PPP1R11: variants seen among roughly 807,000 people sequenced by gnomAD.
The protein encoded by PPP1R11 is E3 ubiquitin-protein ligase PPP1R11.
In PPP1R11, 10 loss-of-function variants were observed where a neutral mutation model predicts 11.3. The observed-to-expected ratio is 0.88, with a 90% CI of 0.55 to 1.50. The LOEUF (loss-of-function observed/expected upper bound fraction) is 1.50, where lower values mean the gene tolerates loss of function less well. Among genes scored for constraint, PPP1R11 ranks in the 40% most tolerant of loss-of-function variants. The probability of loss-of-function intolerance (pLI) is 0.00; values close to 1 mark genes in which losing one functional copy is unlikely to be tolerated. For synonymous variants in PPP1R11, 56 were observed against 62.3 expected (o/e 0.90, Z 0.48); for missense variants, 114 against 179.1 (o/e 0.64, Z 2.07).
At chr6:30,062,883 T>C (rs755883151), upstream of PPP1R11, among the ~76,000 whole-genome samples, 15 of 150,370 alleles carry the variant, frequency 1.0e-4, no homozygotes, top group Non-Finnish European at 1.9e-4. Context: ...ACTTTTAGGA[T>C]ATTTAAAAGG....
chr6:30,062,927 G>A (rs1310894366), upstream of PPP1R11, among the ~76,000 whole-genome samples: 1 of 151,426 alleles, frequency 6.6e-6, no homozygotes, highest in Non-Finnish European at 1.5e-5. Context: ...TAAGAAGCAG[G>A]TATTGTTTAG....
At chr6:30,068,482 T>A in intron 1 of PPP1R11, 108 bp from the exon 2 acceptor site, 2 of 824,766 alleles carry the variant, frequency 2.4e-6, no homozygotes, top group Non-Finnish European at 4.0e-6. Context: ...GTGCTATGCC[T>A]ATGGTACTGA....
chr6:30,064,921 C>A (rs1251967250), upstream of PPP1R11: 1 of 404,336 alleles, frequency 2.5e-6, no homozygotes, highest in East Asian at 3.6e-5. Context: ...ATGTATGTTA[C>A]TTATAATCTG....
chr6:30,062,969 G>A (rs371737310), upstream of PPP1R11, among the ~76,000 whole-genome samples: 42 of 151,476 alleles, frequency 2.8e-4, 1 homozygote, highest in East Asian at 3.5e-3. Context: ...GTCTTCAACC[G>A]CAGTCAAGGT....
chr6:30,061,446 G>A, the PPP1R11 span: 6 of 1,541,514 alleles, frequency 3.9e-6, no homozygotes, highest in Non-Finnish European at 5.3e-6. The surrounding 1 kb of genome is among the most constrained non-coding windows in gnomAD (Gnocchi z 5.0). Flanking sequence ...TCCTGGGACA[G>A]AATAGTTACG....
chr6:30,068,032 A>G lies in PPP1R11; in HGVS notation c.69+553A>G, dbSNP rs192366233. On this transcript the variant is annotated intron_variant, in intron 1 of 2. Coordinates refer to ENST00000376772, the MANE Select transcript of PPP1R11 (RefSeq NM_021959.3). ...GTTGCCTTCAAAGGGAGAAGGTTGC[A>G]TTGGGCTTAATACTCTTGGATTAAA... Among the ~76,000 whole-genome samples the G allele has an allele frequency of 1.5e-3, 225 of 152,320 alleles. 3 individuals carry two copies. Among genetic ancestry groups the G allele is most frequent in the Non-Finnish European group, 1.2e-3 (83 of 68,008 alleles).
At position 30,069,592 on chromosome 6, in the gene PPP1R11, G is replaced by T. The variant is rs1765780028; in HGVS notation, c.*286G>T. On this transcript the variant is annotated 3_prime_UTR_variant, in exon 3 of 3. Transcript: ENST00000376772. This position sits in a 1 kb window ranked among gnomAD's most constrained non-coding sequence, Gnocchi z 6.6. ...TCTCACTGCCAAACTGCCTGTCCTGGGATCTAGTTATCTTGGCCCTGCACT... is the reference window on the plus strand; with the variant it reads ...TCTCACTGCCAAACTGCCTGTCCTGTGATCTAGTTATCTTGGCCCTGCACT... 7 of 394,164 alleles carry T rather than the reference G, an allele frequency of 1.8e-5. No homozygotes were observed. In the South Asian group the frequency reaches 6.6e-4, roughly 37 times the overall value. The allele number at this position is 394,164 out of a possible 1,614,324, so 24.4% of individuals were successfully genotyped here.
chr6:30,069,191 A>G lies in PPP1R11; in HGVS notation c.266A>G (p.His89Arg), dbSNP rs1561975446. The change falls in exon 3 of 3, where the codon CAC becomes CGC. Residue 89 changes from histidine (H) to arginine (R), a missense_variant. His to Arg is a conservative substitution (Grantham distance 29, BLOSUM62 0). Transcript: ENST00000376772. The surrounding 1 kb of genome is among the most constrained non-coding windows in gnomAD (Gnocchi z 6.6). ...GAAGAAGAGGGCTGTGGTCATACAC[A>G]CTGTGTACGTGGCCACCGCAAAGGA... The part of the protein sequence containing the change: ...EEEEEGCGHT[H>R]CVRGHRKGRR... 1 of 1,612,764 alleles carries G rather than the reference A, an allele frequency of 6.2e-7. No individual in the cohort carries two copies. The highest frequency in any genetic ancestry group is 8.5e-7 in the Non-Finnish European group (1 of 1,179,798).
intron 1 of PPP1R11, 73 bp from the exon 2 acceptor site, chr6:30,068,517 A>C: frequency 8.3e-7 from 1 of 1,210,910 alleles, no homozygotes; most frequent in Admixed American, 1.9e-5. Flanking sequence ...AAAAGAGAGG[A>C]GGTTCCCTGG....
chr6:30,069,925 CCTTT>C lies in PPP1R11; in HGVS notation c.*623_*626del, dbSNP rs1323642546. 6.6e-6 allele frequency: 1 copy of C among 152,178 alleles called. No individual in the cohort carries two copies. Among genetic ancestry groups the C allele is most frequent in the African/African-American group, 2.4e-5 (1 of 41,396 alleles). 9.4% of individuals were successfully genotyped at this position (152,178 alleles called of 1,614,324 possible). A position where few individuals can be genotyped will look rare whatever the true frequency, so the allele number is the denominator to read the frequency against. On this transcript the variant is annotated 3_prime_UTR_variant, in exon 3 of 3. Coordinates refer to ENST00000376772, the MANE Select transcript of PPP1R11 (RefSeq NM_021959.3). This position sits in a 1 kb window ranked among gnomAD's most constrained non-coding sequence, Gnocchi z 6.6. ...AAAATGGAATAAGAAATAATCATAT[CCTTT>C]CTTCCCACCCTTCTCCTGTTATTTA... is the stretch of plus-strand genomic sequence containing the variant.
intron 1 of PPP1R11, 60 bp downstream of exon 1, chr6:30,067,539 A>G: frequency 6.4e-7 from 1 of 1,562,398 alleles, no homozygotes; most frequent in African/African-American, 1.4e-5. Context: ...GAGGGAGGGG[A>G]CAGGGATTAG....
the PPP1R11 span, chr6:30,061,608 T>G: frequency 6.2e-7 from 1 of 1,613,090 alleles, no homozygotes. The surrounding 1 kb of genome is among the most constrained non-coding windows in gnomAD (Gnocchi z 5.0). Flanking sequence ...CGGTCCTGCC[T>G]CTGCCCGGGG....
At chr6:30,065,509 G>A (rs1765442418), upstream of PPP1R11, among the ~76,000 whole-genome samples, 1 of 151,940 alleles carries the variant, frequency 6.6e-6, no homozygotes, top group Admixed American at 6.6e-5. This position sits in a 1 kb window ranked among gnomAD's most constrained non-coding sequence, Gnocchi z 5.3. Flanking sequence ...TGTATTATAA[G>A]TATATAATAC....
At chr6:30,063,661 A>G (rs1765289320), upstream of PPP1R11, among the ~76,000 whole-genome samples, 1 of 150,128 alleles carries the variant, frequency 6.7e-6, no homozygotes, top group African/African-American at 2.5e-5. The surrounding 1 kb of genome is among the most constrained non-coding windows in gnomAD (Gnocchi z 4.1). Flanking sequence ...TTGTTTTGTG[A>G]TTTTTGACTA....
At chr6:30,067,945 A>C (rs926620189) in intron 1 of PPP1R11, among the ~76,000 whole-genome samples, 2 of 152,228 alleles carry the variant, frequency 1.3e-5, no homozygotes, top group Admixed American at 1.3e-4. Context: ...AGGTATTTTG[A>C]GAAATCAGAG....
upstream of PPP1R11, among the ~76,000 whole-genome samples, chr6:30,066,481 G>C (rs530528882): frequency 6.6e-6 from 1 of 152,350 alleles, no homozygotes; most frequent in East Asian, 1.9e-4. Flanking sequence ...ACCCCAGAGA[G>C]AACGAATATG....
rs1561972289 is a variant in PPP1R11, at chr6:30,067,438, G to A, written c.28G>A (p.Glu10Lys). The A allele has an allele frequency of 1.2e-6, 2 of 1,614,052 alleles. No individual in the cohort carries two copies. Among genetic ancestry groups the A allele is most frequent in the Non-Finnish European group, 8.5e-7 (1 of 1,180,030 alleles). The part of the protein sequence containing the change: MAEAGAGLS[E>K]TVTETTVTVT... Reference sequence around the variant, plus strand: ...GGCCGAGGCAGGGGCTGGGCTGAGCGAGACCGTCACTGAGACAACGGTTAC... The same window carrying A: ...GGCCGAGGCAGGGGCTGGGCTGAGCAAGACCGTCACTGAGACAACGGTTAC... The change falls in exon 1 of 3, where the codon GAG (glutamate) becomes AAG (lysine). Residue 10 changes from glutamate (E) to lysine (K), a missense_variant. Physicochemically the swap from Glu to Lys is moderately conservative, Grantham distance 56. Transcript: ENST00000376772.
In PPP1R11 at chr6:30,069,313, C is replaced by T; in HGVS notation, c.*7C>T. On this transcript the variant is annotated 3_prime_UTR_variant, in exon 3 of 3. Transcript: ENST00000376772. This position sits in a 1 kb window ranked among gnomAD's most constrained non-coding sequence, Gnocchi z 6.6. ...AGGGCCAATGCAGCACTAAATCCCT[C>T]TCTCCTCCAGCATTCCTGTGTCTGT... 1 of 1,569,812 alleles carries T rather than the reference C, an allele frequency of 6.4e-7. No individual in the cohort carries two copies. Among genetic ancestry groups the T allele is most frequent in the South Asian group, 1.2e-5 (1 of 86,614 alleles).
upstream of PPP1R11, chr6:30,067,172 A>AG (rs28364612): frequency 0.086 from 38,504 of 447,178 alleles, 1,964 homozygotes; most frequent in Admixed American, 0.15. Flanking sequence ...GTGCCGTGGA[A>AG]GGGAAAAAGG....
Sources: allele counts gnomAD v4.1 joint callset (sites outside exome capture counted in the v4.1 genomes callset), GRCh38; gene constraint gnomAD v4.1.1; non-coding constraint Gnocchi (gnomAD v3.1); transcripts MANE v1.5; gene names NCBI Gene and HGNC (gene_info 2026-07-23, HGNC 2026-07-21).